Variants in TNFRSF10C observed in about 807,000 individuals in gnomAD.
TNFRSF10C encodes the protein tumor necrosis factor receptor superfamily member 10C.
TNFRSF10C carries 17 observed loss-of-function variants against 16.7 expected under a neutral mutation model. That is an observed-to-expected ratio of 1.02 (90% CI 0.70 to 1.53). TNFRSF10C has a LOEUF of 1.53. TNFRSF10C is among the 40% of genes most tolerant of loss of function. The pLI is 0.00. For synonymous variants in TNFRSF10C, 73 were observed against 119.7 expected (o/e 0.61, Z 2.55); for missense variants, 237 against 329.7 (o/e 0.72, Z 2.18).
chr8:23,109,460 AC>A, intron 1 of TNFRSF10C, among the ~76,000 whole-genome samples: 1 of 152,014 alleles, frequency 6.6e-6, no homozygotes. Flanking sequence ...ACACGGTGAA[AC>A]CCTGTCTCTA....
chr8:23,105,930 G>C (rs1370431039), intron 1 of TNFRSF10C, among the ~76,000 whole-genome samples: 1 of 152,188 alleles, frequency 6.6e-6, no homozygotes, highest in Non-Finnish European at 1.5e-5. Flanking sequence ...TCTCTGAGCA[G>C]CTGCTTCTCT....
intron 3 of TNFRSF10C, 83 bp downstream of exon 3, chr8:23,114,853 C>T (rs1293025192): frequency 8.7e-7 from 1 of 1,144,600 alleles, no homozygotes; most frequent in African/African-American, 1.5e-5. Flanking sequence ...GTCAGGGAAC[C>T]AAGTTCCAGC....
At chr8:23,106,936 A>C (rs1410787377) in intron 1 of TNFRSF10C, among the ~76,000 whole-genome samples, 1 of 152,160 alleles carries the variant, frequency 6.6e-6, no homozygotes, top group African/African-American at 2.4e-5. Flanking sequence ...TCAGAAAAAA[A>C]AAAAAAGGAG....
intron 1 of TNFRSF10C, among the ~76,000 whole-genome samples, chr8:23,108,769 C>G (rs1358960126): frequency 1.3e-5 from 2 of 152,142 alleles, no homozygotes; most frequent in Non-Finnish European, 2.9e-5. Context: ...TATCAACCAC[C>G]TTGATTTAAC....
At chr8:23,110,576 G>T (rs1312588309) in intron 1 of TNFRSF10C, among the ~76,000 whole-genome samples, 1 of 152,102 alleles carries the variant, frequency 6.6e-6, no homozygotes, top group African/African-American at 2.4e-5. Flanking sequence ...ACTCTATTCC[G>T]ATTTCTCCAG....
chr8:23,115,621 G>C lies in TNFRSF10C; in HGVS notation c.389+5G>C, dbSNP rs965994829. The C allele has an allele frequency of 1.9e-6, 3 of 1,612,464 alleles. No individual in the cohort carries two copies. Among genetic ancestry groups the C allele is most frequent in the Non-Finnish European group, 2.5e-6 (3 of 1,178,964 alleles). Reference sequence around the variant, plus strand: ...GATGTGCCGGAAGTGTAGCAGGTGAGACAGCAGTCAGGGGCTCCTGACAGC... The same window carrying C: ...GATGTGCCGGAAGTGTAGCAGGTGACACAGCAGTCAGGGGCTCCTGACAGC... On this transcript the variant is annotated splice_donor_5th_base_variant and intron_variant, in intron 4 of 4. Coordinates refer to ENST00000356864, the MANE Select transcript of TNFRSF10C (RefSeq NM_003841.5).
chr8:23,111,920 C>A, intron 2 of TNFRSF10C, 95 bp downstream of exon 2: 3 of 1,260,324 alleles, frequency 2.4e-6, no homozygotes, highest in Non-Finnish European at 3.4e-6. Context: ...GAAATATGTA[C>A]GCATTGTGGA....
intron 1 of TNFRSF10C, chr8:23,103,498 T>G: frequency 2.0e-6 from 1 of 501,896 alleles, no homozygotes; most frequent in Admixed American, 3.4e-5. Context: ...ACAGAGCGGT[T>G]GCCTCTCTCA....
At position 23,117,405 on chromosome 8, in the gene TNFRSF10C, C is replaced by A; in HGVS notation, c.*374C>A. 1 of 339,376 alleles carries A rather than the reference C, an allele frequency of 2.9e-6. No homozygotes were observed. Among genetic ancestry groups the A allele is most frequent in the Non-Finnish European group, 5.4e-6 (1 of 184,316 alleles). 21.0% of individuals were successfully genotyped at this position (339,376 alleles called of 1,614,324 possible). A position where few individuals can be genotyped will look rare whatever the true frequency, so the allele number is the denominator to read the frequency against. ...GACAAGGGTGAGGATGAGAAGTGGT[C>A]ACGGGATTTATTCAGCCTTGGTCAG... On this transcript the variant is annotated 3_prime_UTR_variant, in exon 5 of 5. Transcript: ENST00000356864.
intron 2 of TNFRSF10C, among the ~76,000 whole-genome samples, chr8:23,113,691 A>C (rs1248125227): frequency 6.6e-6 from 1 of 152,204 alleles, no homozygotes; most frequent in Non-Finnish European, 1.5e-5. Context: ...AGTTTTGATT[A>C]CTATACTTTT....
chr8:23,113,946 C>A (rs1477356633), intron 2 of TNFRSF10C, among the ~76,000 whole-genome samples: 27 of 148,920 alleles, frequency 1.8e-4, no homozygotes, highest in African/African-American at 6.7e-4. Flanking sequence ...CAGAGCAAGA[C>A]TCTGTCTCAA....
intron 1 of TNFRSF10C, among the ~76,000 whole-genome samples, chr8:23,111,011 A>T (rs1257566544): frequency 6.6e-6 from 1 of 152,218 alleles, no homozygotes; most frequent in African/African-American, 2.4e-5. Context: ...AGACTGAAGC[A>T]GGAGGATCAC....
intron 1 of TNFRSF10C, among the ~76,000 whole-genome samples, chr8:23,105,114 A>C (rs1813751643): frequency 6.6e-6 from 1 of 152,208 alleles, no homozygotes; most frequent in African/African-American, 2.4e-5. Flanking sequence ...CCAACGGCTC[A>C]GAATCTCGGA....
At position 23,117,084 on chromosome 8, in the gene TNFRSF10C, G is replaced by C. The variant is rs1041810529; in HGVS notation, c.*53G>C. 18 of 1,587,714 alleles carry C rather than the reference G, an allele frequency of 1.1e-5. No individual in the cohort carries two copies. Among genetic ancestry groups the C allele is most frequent in the African/African-American group, 2.7e-5 (2 of 74,492 alleles). On this transcript the variant is annotated 3_prime_UTR_variant, in exon 5 of 5. Coordinates refer to ENST00000356864, the MANE Select transcript of TNFRSF10C (RefSeq NM_003841.5). ...CCTTACCTGAAAGGTTCAGGTAGGC[G>C]CTGGCTGAGGGCGGGGGGCGCTGGA...
intron 1 of TNFRSF10C, among the ~76,000 whole-genome samples, chr8:23,110,736 TA>T (rs1323067978): frequency 1.3e-5 from 2 of 152,222 alleles, no homozygotes; most frequent in Non-Finnish European, 2.9e-5. Flanking sequence ...TGTTTGATGC[TA>T]TATCCTGACT....
chr8:23,113,989 C>T (rs971818735), intron 2 of TNFRSF10C, among the ~76,000 whole-genome samples: 1 of 150,540 alleles, frequency 6.6e-6, no homozygotes, highest in Admixed American at 6.6e-5. Context: ...ATATACATAA[C>T]AGTCAGGATG....
chr8:23,107,195 C>A (rs746126269), intron 1 of TNFRSF10C, among the ~76,000 whole-genome samples: 16 of 152,090 alleles, frequency 1.1e-4, no homozygotes, highest in Non-Finnish European at 1.8e-4. Flanking sequence ...CAACAAAAAA[C>A]CAAACAAACA....
intron 1 of TNFRSF10C, among the ~76,000 whole-genome samples, chr8:23,108,464 A>G (rs948554964): frequency 2.2e-4 from 34 of 152,326 alleles, no homozygotes; most frequent in South Asian, 4.1e-4. Flanking sequence ...TGGTCGCCCA[A>G]CACTGCTGGT....
chr8:23,109,199 A>C (rs1813832983), intron 1 of TNFRSF10C, among the ~76,000 whole-genome samples: 1 of 152,110 alleles, frequency 6.6e-6, no homozygotes, highest in East Asian at 1.9e-4. Context: ...AAATATTCTA[A>C]AATTGATTAT....
Sources: allele counts gnomAD v4.1 joint callset (sites outside exome capture counted in the v4.1 genomes callset), GRCh38; gene constraint gnomAD v4.1.1; transcripts MANE v1.5; gene names NCBI Gene and HGNC (gene_info 2026-07-23, HGNC 2026-07-21).